MGAM2: variants seen among roughly 807,000 people sequenced by gnomAD.
MGAM2 encodes maltase-glucoamylase 2 (putative), also known as probable maltase-glucoamylase 2.
Under a neutral mutation model 96.1 loss-of-function variants are expected in MGAM2, and 98 were observed. That is an observed-to-expected ratio of 1.02 (90% CI 0.87 to 1.21). MGAM2 has a LOEUF of 1.21. Ranked by LOEUF, MGAM2 falls within the 50% of genes most tolerant of loss-of-function variation. The pLI is 0.00. For synonymous variants in MGAM2, 749 were observed against 414.8 expected, an observed-to-expected ratio of 1.81 and a Z score of -9.79; for missense variants, 2,055 against 1,182.4, an observed-to-expected ratio of 1.74 and a Z score of -10.82.
chr7:142,148,697 G>A lies in MGAM2; in HGVS notation c.1634+1124G>A, dbSNP rs571740827. Among the ~76,000 whole-genome samples the A allele has an allele frequency of 7.9e-5, 12 of 152,308 alleles. No individual in the cohort carries two copies. The South Asian group carries it at 8.3e-4, about 11-fold the overall frequency. On this transcript the variant is annotated intron_variant, in intron 15 of 47. Coordinates refer to ENST00000477922, the MANE Select transcript of MGAM2 (RefSeq NM_001293626.2). The surrounding 1 kb of genome is among the most constrained non-coding windows in gnomAD (Gnocchi z 4.2). ...TAATTTGAATTTGCAGCACAGATGC[G>A]GAAACTAAAGAGCTGCTGTGGATCC...
Position 142,199,873 on chromosome 7 carries a change from T to G in MGAM2, c.5049-7T>G. The G allele has an allele frequency of 1.5e-6, 1 of 679,282 alleles. No homozygotes were observed. Among genetic ancestry groups the G allele is most frequent in the Non-Finnish European group, 2.7e-6 (1 of 377,264 alleles). The allele number at this position is 679,282 out of a possible 1,614,324, so 42.1% of individuals were successfully genotyped here. A position where few individuals can be genotyped will look rare whatever the true frequency, so the allele number is the denominator to read the frequency against. On this transcript the variant is annotated splice_polypyrimidine_tract_variant and splice_region_variant and intron_variant, in intron 44 of 47. Coordinates refer to ENST00000477922, the MANE Select transcript of MGAM2 (RefSeq NM_001293626.2). ...AGAAAAATAACTCTTTTTTTTTTTT[T>G]TGGTAGTCGACAAAATTTTATGGGA...
chr7:142,186,458 G>A (rs1036658929), intron 35 of MGAM2, among the ~76,000 whole-genome samples: 5 of 152,166 alleles, frequency 3.3e-5, no homozygotes, highest in African/African-American at 1.2e-4. Flanking sequence ...TTATTGTAAG[G>A]GAGTCTTACA....
rs1170128341 is a variant in MGAM2 at position 142,167,418 on chromosome 7, C to T, written c.2959C>T (p.Leu987Phe). 1.0e-5 allele frequency: 7 copies of T among 702,914 alleles called. No homozygotes were observed. Among genetic ancestry groups the T allele is most frequent in the Non-Finnish European group, 1.6e-5 (6 of 385,006 alleles). 43.5% of individuals were successfully genotyped at this position (702,914 alleles called of 1,614,324 possible). Reference protein sequence around the residue: ...ESAAAAASDSLSAKISFLHLK... With the variant: ...ESAAAAASDSFSAKISFLHLK... ...AGCTGCTGCTGCCGCCTCTGATTCT[C>T]TCTCTGCAAAGATCAGCTTCCTCCA... The change falls in exon 26 of 48, where the codon CTC becomes TTC. Residue 987 changes from leucine to phenylalanine, a missense_variant. Leu to Phe is a conservative substitution (Grantham distance 22). Coordinates refer to ENST00000477922, the MANE Select transcript of MGAM2 (RefSeq NM_001293626.2).
chr7:142,133,220 A>G (rs988536350), intron 6 of MGAM2, among the ~76,000 whole-genome samples: 1 of 142,744 alleles, frequency 7.0e-6, no homozygotes, highest in Non-Finnish European at 1.5e-5. Flanking sequence ...ATAAATATAT[A>G]TTTTACATAA....
intron 10 of MGAM2, among the ~76,000 whole-genome samples, chr7:142,140,381 G>T (rs1307585091): frequency 6.6e-6 from 1 of 152,060 alleles, no homozygotes; most frequent in African/African-American, 2.4e-5. Flanking sequence ...ACTTTCGTAG[G>T]GCAAAAGATC....
rs756686614 is a variant in MGAM2, at chr7:142,160,274, T to G, written c.2345+16T>G. The G allele has an allele frequency of 2.0e-5, 14 of 684,994 alleles. No homozygotes were observed. Among genetic ancestry groups the G allele is most frequent in the Non-Finnish European group, 3.4e-5 (13 of 377,476 alleles). 42.4% of individuals were successfully genotyped at this position (684,994 alleles called of 1,614,324 possible). On this transcript the variant is annotated intron_variant, in intron 21 of 47. Transcript: ENST00000477922. Reference sequence around the variant, plus strand: ...CAGAAGCCAGGTAAGCTCCTTACTCTTCTAAGGTATGACTATTCTGGTGCT... The same window carrying G: ...CAGAAGCCAGGTAAGCTCCTTACTCGTCTAAGGTATGACTATTCTGGTGCT...
Position 142,189,478 on chromosome 7 carries a change from G to A in MGAM2, c.4319G>A (p.Gly1440Glu). 1.2e-6 allele frequency: 1 copy of A among 863,914 alleles called. No individual in the cohort carries two copies. The highest frequency in any genetic ancestry group is 1.7e-5 in the African/African-American group (1 of 60,052). 53.5% of individuals were successfully genotyped at this position (863,914 alleles called of 1,614,324 possible). A position where few individuals can be genotyped will look rare whatever the true frequency, so the allele number is the denominator to read the frequency against. Residue 1440 changes from glycine to glutamate, a missense_variant, in exon 37 of 48, where the codon GGG becomes GAG. Physicochemically the swap from Gly to Glu is moderately conservative, Grantham distance 98 (BLOSUM62 -2). Transcript: ENST00000477922. ...VEHYNVHNLY[G>E]WSQTRPTYEA... ...CACTACAACGTGCACAACCTGTACGGGTGGTCCCAGACCAGACCCACATAC... is the reference window on the plus strand; with the variant it reads ...CACTACAACGTGCACAACCTGTACGAGTGGTCCCAGACCAGACCCACATAC...
intron 12 of MGAM2, among the ~76,000 whole-genome samples, chr7:142,142,308 A>C (rs1165789026): frequency 1.3e-5 from 2 of 152,168 alleles, no homozygotes; most frequent in Non-Finnish European, 2.9e-5. Flanking sequence ...TTTAGAGTCC[A>C]TAGTCAAATA....
intron 36 of MGAM2, among the ~76,000 whole-genome samples, chr7:142,188,441 TA>T (rs141563549): frequency 0.028 from 4,157 of 149,854 alleles, 157 homozygotes; most frequent in African/African-American, 0.088. Flanking sequence ...GTGAGACCCA[TA>T]AAAAAAAACA....
chr7:142,163,376 C>T (rs938661636), intron 23 of MGAM2, among the ~76,000 whole-genome samples: 2 of 152,136 alleles, frequency 1.3e-5, no homozygotes, highest in East Asian at 1.9e-4. Context: ...CCGCCTCCTG[C>T]GTTCAAGAGA....
At chr7:142,132,175 T>A (rs1239416981) in intron 6 of MGAM2, 90 bp downstream of exon 6, 1 of 564,110 alleles carries the variant, frequency 1.8e-6, no homozygotes, top group Non-Finnish European at 3.1e-6. Context: ...GTGAAATCAG[T>A]ACAACTAGAG....
intron 40 of MGAM2, among the ~76,000 whole-genome samples, chr7:142,197,143 C>T (rs1450481697): frequency 2.0e-5 from 3 of 152,096 alleles, no homozygotes; most frequent in Admixed American, 6.6e-5. Flanking sequence ...TGGTGCTGCA[C>T]GGAAACCTCT....
chr7:142,156,552 C>G (rs56828944), intron 17 of MGAM2, among the ~76,000 whole-genome samples: 4,621 of 152,226 alleles, frequency 0.03, 216 homozygotes, highest in African/African-American at 0.1. Flanking sequence ...AAACATAGTT[C>G]AAGTGTTCAA....
intron 3 of MGAM2, among the ~76,000 whole-genome samples, chr7:142,128,689 T>C (rs1405844597): frequency 6.6e-6 from 1 of 152,216 alleles, no homozygotes; most frequent in African/African-American, 2.4e-5. Context: ...CTACATGTTG[T>C]TGAGCCTGTG....
Position 142,181,215 on chromosome 7 carries a change from G to A in MGAM2, c.3817-2051G>A, listed in dbSNP as rs199573928. On this transcript the variant is annotated intron_variant, in intron 32 of 47. Transcript: ENST00000477922. Reference sequence around the variant, plus strand: ...CGCTGTCTTTTGGATATGGCTTTTTGTTTTTATAGTCTTTATTTTCCTTGA... The same window carrying A: ...CGCTGTCTTTTGGATATGGCTTTTTATTTTTATAGTCTTTATTTTCCTTGA... Among the ~76,000 whole-genome samples the A allele has an allele frequency of 6.8e-3, 1,027 of 152,138 alleles. 10 individuals are homozygous for A. The highest frequency in any genetic ancestry group is 0.024 in the African/African-American group (978 of 41,502).
chr7:142,221,912 A>T lies in MGAM2; in HGVS notation c.7401A>T (p.Leu2467Phe), dbSNP rs186809625. The change falls in exon 48 of 48, where the codon TTA becomes TTT. Residue 2467 changes from leucine (L) to phenylalanine (F), a missense_variant. By Grantham distance (22) the Leu-to-Phe change is conservative. Coordinates refer to ENST00000477922, the MANE Select transcript of MGAM2 (RefSeq NM_001293626.2). ...TAATAAATTCTGTGGCTACTTATTTACCTATTACTGCAACTAGTGCTACCA... is the reference window on the plus strand; with the variant it reads ...TAATAAATTCTGTGGCTACTTATTTTCCTATTACTGCAACTAGTGCTACCA... ...HMVINSVATY[L>F]PITATSATTD... is the part of the protein sequence containing the mutation. 80 of 399,972 alleles carry T rather than the reference A, an allele frequency of 2.0e-4. No homozygotes were observed. In the East Asian group the frequency reaches 2.5e-3, roughly 12 times the overall value. The allele number at this position is 399,972 out of a possible 1,614,324, so 24.8% of individuals were successfully genotyped here.
intron 14 of MGAM2, among the ~76,000 whole-genome samples, chr7:142,146,142 G>GTTTTTTT (rs71166565): frequency 1.4e-4 from 15 of 108,956 alleles, no homozygotes; most frequent in Non-Finnish European, 2.4e-4. Context: ...AGTTTATCAT[G>GTTTTTTT]TTTTTTTTTT....
At chr7:142,205,090 A>C (rs1797356185) in intron 45 of MGAM2, among the ~76,000 whole-genome samples, 1 of 152,152 alleles carries the variant, frequency 6.6e-6, no homozygotes. Flanking sequence ...AAAAGGAGTT[A>C]GTGCCCATGA....
chr7:142,153,941 A>T, intron 15 of MGAM2, 77 bp from the exon 16 acceptor site: 2 of 498,468 alleles, frequency 4.0e-6, no homozygotes, highest in East Asian at 2.8e-5. Flanking sequence ...TAGAAAGTCC[A>T]TTGCTGCTCT....
Sources: gnomAD v4.1 joint callset for allele counts (sites outside exome capture counted in the v4.1 genomes callset) on GRCh38, gnomAD v4.1.1 for gene constraint, Gnocchi (gnomAD v3.1) non-coding constraint, MANE v1.5 for transcripts, NCBI Gene and HGNC (gene_info 2026-07-23, HGNC 2026-07-21) for gene names.